ROS1: variants seen among roughly 807,000 people sequenced by gnomAD.
ROS1 encodes the protein proto-oncogene tyrosine-protein kinase ROS.
A neutral mutation model predicts 273.5 loss-of-function variants in ROS1; 263 were observed. That is an observed-to-expected ratio of 0.96 (90% CI 0.87 to 1.06). The LOEUF (loss-of-function observed/expected upper bound fraction) is 1.06, where lower values mean the gene tolerates loss of function less well. Among genes scored for constraint, ROS1 ranks in the 50% least tolerant of loss-of-function variants. The pLI, the probability that ROS1 is intolerant of heterozygous loss-of-function variation, is 0.00. For missense variants in ROS1, 2,833 were observed against 2,751.1 expected (o/e 1.03, Z -0.67); for synonymous variants, 1,008 against 954.1 (o/e 1.06, Z -1.04).
At chr6:117,407,663 G>A (rs1774527645) in intron 5 of ROS1, among the ~76,000 whole-genome samples, 1 of 152,078 alleles carries the variant, frequency 6.6e-6, no homozygotes, top group Non-Finnish European at 1.5e-5. Flanking sequence ...CAGATTCAAT[G>A]CCATCCCCAT....
At chr6:117,352,618 T>G (rs931775905) in intron 27 of ROS1, among the ~76,000 whole-genome samples, 2 of 152,214 alleles carry the variant, frequency 1.3e-5, no homozygotes, top group African/African-American at 2.4e-5. Flanking sequence ...ACCTGTTACC[T>G]TGAAAACAAG....
rs147625935 is a variant in ROS1 at position 117,356,453 on chromosome 6, C to T, written c.4126+176G>A. On this transcript the variant is annotated intron_variant, in intron 26 of 43. Transcript: ENST00000368507. ...CAGATTTAGAAAATTATGTGAATGC[C>T]TACATACAATTTTCCTGGAAACAAC... Among the ~76,000 whole-genome samples the T allele has an allele frequency of 4.5e-4, 68 of 152,226 alleles. 2 individuals carry two copies. In the East Asian group the frequency reaches 0.011, roughly 25 times the overall value.
intron 35 of ROS1, among the ~76,000 whole-genome samples, chr6:117,322,952 T>G (rs1776380532): frequency 6.6e-6 from 1 of 152,184 alleles, no homozygotes; most frequent in African/African-American, 2.4e-5. Context: ...GTTATGGGTT[T>G]AAACAATGGT....
At chr6:117,337,973 T>C (rs977587907) in intron 31 of ROS1, among the ~76,000 whole-genome samples, 2 of 152,144 alleles carry the variant, frequency 1.3e-5, no homozygotes, top group African/African-American at 4.8e-5. Context: ...CAGAAAATCT[T>C]GTTTTCATTC....
At chr6:117,394,527 A>T (rs1406429780) in intron 10 of ROS1, 89 bp downstream of exon 10, 3 of 1,135,838 alleles carry the variant, frequency 2.6e-6, no homozygotes, top group Admixed American at 2.9e-5. Flanking sequence ...ATGTTCCAGA[A>T]ATATTCAAAA....
rs776274768 is a variant in ROS1 at position 117,342,467 on chromosome 6, A to AT, written c.4583dup (p.Asn1528LysfsTer21). On this transcript the variant is annotated frameshift_variant, in exon 29 of 44. Transcript: ENST00000368507. LOFTEE classifies it high-confidence loss of function. ...AATGTTCCAAAGGATCTGAATAATA[A>AT]TTTTTTACAGCTATCTGTATCATGT... is the stretch of plus-strand genomic sequence containing the variant. 5 of 1,609,108 alleles carry AT rather than the reference A, an allele frequency of 3.1e-6. No homozygotes were observed. The highest frequency in any genetic ancestry group is 1.7e-5 in the Admixed American group (1 of 59,838).
intron 26 of ROS1, among the ~76,000 whole-genome samples, chr6:117,354,678 T>C (rs1482335134): frequency 6.6e-6 from 1 of 152,180 alleles, no homozygotes; most frequent in African/African-American, 2.4e-5. Context: ...TTTTCTAATT[T>C]TAGGATTTTA....
intron 9 of ROS1, 55 bp downstream of exon 9, chr6:117,396,133 A>AT: frequency 7.0e-7 from 1 of 1,436,154 alleles, no homozygotes; most frequent in Non-Finnish European, 9.8e-7. Flanking sequence ...TGGCTCTGAA[A>AT]CCACCCTTGC....
At position 117,375,724 on chromosome 6, in the gene ROS1, G is replaced by A. The variant is rs1319197746; in HGVS notation, c.2582+3335C>T. Among the ~76,000 whole-genome samples the A allele has an allele frequency of 2.0e-5, 3 of 152,216 alleles. No homozygotes were observed. In the East Asian group the frequency reaches 5.8e-4, roughly 29 times the overall value. The stretch of plus-strand genomic sequence containing the variant: ...TAATATCAGACAAAGGAATCTTTAA[G>A]ATGAAGAATATTAGCATAGATGAAT... On this transcript the variant is annotated intron_variant, in intron 18 of 43. Coordinates refer to ENST00000368507, the MANE Select transcript of ROS1 (RefSeq NM_001378902.1).
rs766204275 is a variant in ROS1 at position 117,414,550 on chromosome 6, A to T, written c.229-5T>A. ...AACGGTGGCATAAGTATCATTCTGC[A>T]TAGAAAAAAAAAAAGACTACTTAAA... On this transcript the variant is annotated splice_region_variant and splice_polypyrimidine_tract_variant and intron_variant, in intron 3 of 43. Transcript: ENST00000368507. The T allele has an allele frequency of 2.8e-6, 2 of 722,164 alleles. No homozygotes were observed. Among genetic ancestry groups the T allele is most frequent in the Non-Finnish European group, 5.0e-6 (2 of 401,072 alleles). 44.7% of individuals were successfully genotyped at this position (722,164 alleles called of 1,614,324 possible).
chr6:117,418,413 T>C (rs1775495009), intron 2 of ROS1, 49 bp downstream of exon 2: 1 of 1,323,542 alleles, frequency 7.6e-7, no homozygotes, highest in Non-Finnish European at 1.1e-6. Flanking sequence ...GTCCCTTCAT[T>C]ATCAACACAA....
chr6:117,306,957 C>A (rs949168830), intron 42 of ROS1, among the ~76,000 whole-genome samples: 2 of 152,012 alleles, frequency 1.3e-5, no homozygotes, highest in Non-Finnish European at 1.5e-5. Context: ...AAATGAACTT[C>A]AAAACCACCA....
At chr6:117,303,755 G>A (rs1774910769) in intron 42 of ROS1, among the ~76,000 whole-genome samples, 2 of 152,148 alleles carry the variant, frequency 1.3e-5, no homozygotes, top group African/African-American at 4.8e-5. Context: ...TAAAGGGGCA[G>A]GTTGGAAACT....
At chr6:117,369,126 A>G (rs1780518559) in intron 18 of ROS1, among the ~76,000 whole-genome samples, 1 of 152,148 alleles carries the variant, frequency 6.6e-6, no homozygotes. Flanking sequence ...ATGACTCTGG[A>G]ATCCCAATCT....
chr6:117,359,898 C>A lies in ROS1; in HGVS notation c.3544G>T (p.Val1182Phe), dbSNP rs749977900. The part of the protein sequence containing the change: ...TFSAERVISA[V>F]CYTADNEMGY... ...ATCTCATTATCAGCTGTGTAGCAAA[C>A]GGCACTGATAACTCTTTCTGCTGAA... Residue 1182 changes from valine (V) to phenylalanine (F), a missense_variant, in exon 24 of 44, where the codon GTT becomes TTT. Val to Phe is a conservative substitution (Grantham distance 50). Coordinates refer to ENST00000368507, the MANE Select transcript of ROS1 (RefSeq NM_001378902.1). 1 of 1,613,734 alleles carries A rather than the reference C, an allele frequency of 6.2e-7. No homozygotes were observed. Among genetic ancestry groups the A allele is most frequent in the African/African-American group, 1.3e-5 (1 of 74,886 alleles).
chr6:117,314,041 G>A (rs898582844), intron 39 of ROS1, among the ~76,000 whole-genome samples: 3 of 152,040 alleles, frequency 2.0e-5, no homozygotes, highest in African/African-American at 4.8e-5. Context: ...AAAACGATCT[G>A]GAAAAAGTAG....
chr6:117,356,012 T>C (rs750253269), intron 26 of ROS1, among the ~76,000 whole-genome samples: 20 of 152,212 alleles, frequency 1.3e-4, no homozygotes, highest in Non-Finnish European at 2.2e-4. Context: ...ATTTAGAGTA[T>C]ATATTTTTTT....
chr6:117,375,672 A>G (rs1326033134), intron 18 of ROS1, among the ~76,000 whole-genome samples: 1 of 152,214 alleles, frequency 6.6e-6, no homozygotes, highest in African/African-American at 2.4e-5. Context: ...GCAAACACTA[A>G]GCAAAAGAAA....
intron 39 of ROS1, among the ~76,000 whole-genome samples, chr6:117,316,052 C>A (rs1282587679): frequency 6.6e-6 from 1 of 152,064 alleles, no homozygotes; most frequent in African/African-American, 2.4e-5. Context: ...CTAAATAGTT[C>A]TAATAATGCA....
Sources: gnomAD v4.1 joint callset for allele counts (sites outside exome capture counted in the v4.1 genomes callset) on GRCh38, gnomAD v4.1.1 for gene constraint, MANE v1.5 for transcripts, NCBI Gene and HGNC (gene_info 2026-07-23, HGNC 2026-07-21) for gene names.